Variants in SHC3 observed in about 807,000 individuals in gnomAD.
The protein encoded by SHC3 is SHC-transforming protein 3.
In SHC3, 15 loss-of-function variants were observed where a neutral mutation model predicts 60.4. That is an observed-to-expected ratio of 0.25 (90% CI 0.17 to 0.38). The LOEUF (loss-of-function observed/expected upper bound fraction) is 0.38, where lower values mean the gene tolerates loss of function less well. SHC3 is among the 10% of genes least tolerant of loss of function. The pLI is 1.00. For missense variants in SHC3, 677 were observed against 786.1 expected, an observed-to-expected ratio of 0.86 and a Z score of 1.66; for synonymous variants, 294 against 325.9, an observed-to-expected ratio of 0.90 and a Z score of 1.05.
rs376864282 is a variant in SHC3 at position 89,080,418 on chromosome 9, T to C, written c.546-2515A>G. ...CGCCAGATGTGAACCCTCATTGTCC[T>C]CATGATTTCACCATCTTCCCTTCAG... On this transcript the variant is annotated intron_variant, in intron 2 of 11. Coordinates refer to ENST00000375835, the MANE Select transcript of SHC3 (RefSeq NM_016848.6). 2.0e-5 allele frequency among the ~76,000 whole-genome samples: 3 copies of C among 152,318 alleles called. No homozygotes were observed. The East Asian group carries it at 5.8e-4, about 29-fold the overall frequency.
intron 1 of SHC3, among the ~76,000 whole-genome samples, chr9:89,157,837 G>C (rs998656011): frequency 1.3e-5 from 2 of 152,006 alleles, no homozygotes; most frequent in African/African-American, 4.8e-5. Context: ...GCCCAGGCTG[G>C]CTTCAAACTC....
intron 2 of SHC3, among the ~76,000 whole-genome samples, chr9:89,112,354 A>C (rs1825961141): frequency 6.6e-6 from 1 of 152,210 alleles, no homozygotes; most frequent in African/African-American, 2.4e-5. Context: ...AGTGTCCTTC[A>C]AGGTACTTTG....
Position 89,178,482 on chromosome 9 carries a change from A to T in SHC3, c.-22T>A, listed in dbSNP as rs1317149306. ...GCATGCCCCTCCGTGGGCTCGCTGCATCCGCCCGGGCGCTGCTGGTGCCGG... is the reference window on the plus strand; with the variant it reads ...GCATGCCCCTCCGTGGGCTCGCTGCTTCCGCCCGGGCGCTGCTGGTGCCGG... On this transcript the variant is annotated 5_prime_UTR_variant, in exon 1 of 12. The change abolishes an upstream ATG in the 5' untranslated region. Coordinates refer to ENST00000375835, the MANE Select transcript of SHC3 (RefSeq NM_016848.6). The surrounding 1 kb of genome is among the most constrained non-coding windows in gnomAD (Gnocchi z 6.9). 10 of 1,424,438 alleles carry T rather than the reference A, an allele frequency of 7.0e-6. No individual in the cohort carries two copies. The Admixed American group carries it at 8.2e-5, about 12-fold the overall frequency. The allele number at this position is 1,424,438 out of a possible 1,614,324, so 88.2% of individuals were successfully genotyped here.
chr9:89,077,991 T>C, intron 2 of SHC3, 88 bp from the exon 3 acceptor site: 2 of 1,428,336 alleles, frequency 1.4e-6, no homozygotes, highest in South Asian at 1.2e-5. Flanking sequence ...CCAAAGAAAA[T>C]AACTGCCTGT....
At chr9:89,044,332 C>A (rs563488907) in intron 9 of SHC3, among the ~76,000 whole-genome samples, 4 of 152,176 alleles carry the variant, frequency 2.6e-5, no homozygotes, top group Non-Finnish European at 5.9e-5. Flanking sequence ...TTCTGCCAGG[C>A]CTTATGTTTT....
intron 1 of SHC3, among the ~76,000 whole-genome samples, chr9:89,117,032 T>C (rs1168505610): frequency 6.6e-6 from 1 of 152,206 alleles, no homozygotes; most frequent in African/African-American, 2.4e-5. Context: ...AGTTTGCAGA[T>C]TTATGTAAAT....
Position 89,162,292 on chromosome 9 carries a change from C to T in SHC3, c.474+15695G>A, listed in dbSNP as rs1298589784. ...AAGAGCCCGCATCGCCAAGTCAATC[C>T]TCAGCCAAAAGAACAAAGCTGGAGG... On this transcript the variant is annotated intron_variant, in intron 1 of 11. Transcript: ENST00000375835. Among the ~76,000 whole-genome samples the T allele has an allele frequency of 2.0e-5, 3 of 151,856 alleles. No individual in the cohort carries two copies. In the East Asian group the frequency reaches 5.8e-4, roughly 29 times the overall value.
intron 11 of SHC3, among the ~76,000 whole-genome samples, chr9:89,030,050 C>A (rs927508744): frequency 5.3e-5 from 8 of 151,662 alleles, no homozygotes; most frequent in African/African-American, 9.7e-5. Flanking sequence ...TATATAGCAA[C>A]CATGAGAAAG....
intron 1 of SHC3, among the ~76,000 whole-genome samples, chr9:89,138,403 T>C (rs1826349043): frequency 6.6e-6 from 1 of 152,188 alleles, no homozygotes; most frequent in Non-Finnish European, 1.5e-5. Flanking sequence ...TTTAAGACCA[T>C]ATAGGGTAAC....
intron 2 of SHC3, among the ~76,000 whole-genome samples, chr9:89,086,471 G>C (rs1260812677): frequency 1.3e-5 from 2 of 152,200 alleles, no homozygotes; most frequent in South Asian, 4.1e-4. Flanking sequence ...GATGAAGTAT[G>C]GGGGAAGGAG....
chr9:89,007,771 C>G lies in SHC3; in HGVS notation c.*5676G>C, dbSNP rs1054699397. The stretch of plus-strand genomic sequence containing the variant: ...CTCCACCTTCTTCTTTCTTTGTCTT[C>G]CCCCACTGGCTTCTCTGTCATTTCC... On this transcript the variant is annotated 3_prime_UTR_variant, in exon 12 of 12. Coordinates refer to ENST00000375835, the MANE Select transcript of SHC3 (RefSeq NM_016848.6). 7 of 152,410 alleles carry G rather than the reference C, an allele frequency of 4.6e-5. No individual in the cohort carries two copies. Among genetic ancestry groups the G allele is most frequent in the African/African-American group, 1.7e-4 (7 of 41,450 alleles). 9.4% of individuals were successfully genotyped at this position (152,410 alleles called of 1,614,324 possible). A position where few individuals can be genotyped will look rare whatever the true frequency, so the allele number is the denominator to read the frequency against.
chr9:89,048,369 C>T (rs927953781), intron 7 of SHC3, among the ~76,000 whole-genome samples: 2 of 152,022 alleles, frequency 1.3e-5, no homozygotes, highest in African/African-American at 4.8e-5. Flanking sequence ...CTGACAGATC[C>T]TACAACATGA....
At chr9:89,133,482 T>G (rs1483920777) in intron 1 of SHC3, among the ~76,000 whole-genome samples, 1 of 152,162 alleles carries the variant, frequency 6.6e-6, no homozygotes, top group East Asian at 1.9e-4. Flanking sequence ...TGTGGCACTA[T>G]TCACAATAGC....
intron 2 of SHC3, among the ~76,000 whole-genome samples, chr9:89,094,757 G>A (rs1165271281): frequency 6.6e-6 from 1 of 152,088 alleles, no homozygotes; most frequent in Non-Finnish European, 1.5e-5. Flanking sequence ...AGTTTGGGAC[G>A]CCTGGCATTA....
chr9:89,057,286 C>T (rs58512204), intron 6 of SHC3, among the ~76,000 whole-genome samples: 13,197 of 150,626 alleles, frequency 0.088, 626 homozygotes, highest in Middle Eastern at 0.11. Context: ...TGTAGCCATG[C>T]ACTCTGAATT....
intron 1 of SHC3, among the ~76,000 whole-genome samples, chr9:89,127,388 G>A (rs1826179232): frequency 6.6e-6 from 1 of 152,124 alleles, no homozygotes; most frequent in Admixed American, 6.6e-5. Flanking sequence ...TTAAAACAGT[G>A]CTATGGTTAA....
chr9:89,052,252 G>A, intron 6 of SHC3, 89 bp from the exon 7 acceptor site: 1 of 1,517,932 alleles, frequency 6.6e-7, no homozygotes, highest in South Asian at 1.2e-5. Context: ...AGGACACAGG[G>A]ACAGAGAGGT....
intron 1 of SHC3, among the ~76,000 whole-genome samples, chr9:89,174,013 A>C (rs1826907552): frequency 6.6e-6 from 1 of 152,188 alleles, no homozygotes; most frequent in Admixed American, 6.5e-5. Flanking sequence ...AAAATTCTAC[A>C]ATATTATAGT....
At chr9:89,096,264 T>G (rs1218792676) in intron 2 of SHC3, among the ~76,000 whole-genome samples, 1 of 152,186 alleles carries the variant, frequency 6.6e-6, no homozygotes, top group African/African-American at 2.4e-5. Flanking sequence ...CAGGAAATCC[T>G]TACTTGCTTT....
Sources: gnomAD v4.1 joint callset for allele counts (sites outside exome capture counted in the v4.1 genomes callset) on GRCh38, gnomAD v4.1.1 for gene constraint, Gnocchi (gnomAD v3.1) non-coding constraint, MANE v1.5 for transcripts, NCBI Gene and HGNC (gene_info 2026-07-23, HGNC 2026-07-21) for gene names.